The following ROBO2 variants were observed in gnomAD, a reference collection of about 807,000 sequenced individuals.
ROBO2 encodes the protein roundabout homolog 2.
In ROBO2, 53 loss-of-function variants were observed where a neutral mutation model predicts 160.8. The observed-to-expected ratio is 0.33, with a 90% CI of 0.26 to 0.41. ROBO2 has a LOEUF of 0.41. Ranked by LOEUF, ROBO2 falls within the 10% of genes least tolerant of loss-of-function variation. The pLI is 1.00. For missense variants in ROBO2, 1,577 were observed against 1,722.4 expected (o/e 0.92, Z 1.49); for synonymous variants, 664 against 611.7 (o/e 1.09, Z -1.26).
chr3:76,082,081 A>T (rs990595768), intron 2 of ROBO2, among the ~76,000 whole-genome samples: 21 of 152,122 alleles, frequency 1.4e-4, no homozygotes, highest in Admixed American at 6.6e-5. Context: ...TACTATCTAC[A>T]AGCATCAGTC....
chr3:76,944,364 G>C (rs1423499238), intron 2 of ROBO2, among the ~76,000 whole-genome samples: 1 of 152,012 alleles, frequency 6.6e-6, no homozygotes, highest in Non-Finnish European at 1.5e-5. Flanking sequence ...AAAATAAACT[G>C]TTCTCAAACC....
chr3:77,189,933 G>A (rs938161793), intron 2 of ROBO2, among the ~76,000 whole-genome samples: 1 of 151,818 alleles, frequency 6.6e-6, no homozygotes, highest in Non-Finnish European at 1.5e-5. Flanking sequence ...TCTACCTTAA[G>A]TATAATTTAC....
chr3:77,380,672 T>TCTCCCTCCTTCCCTCC (rs575978782), intron 2 of ROBO2, among the ~76,000 whole-genome samples: 2 of 138,004 alleles, frequency 1.4e-5, no homozygotes, highest in Non-Finnish European at 3.1e-5. Context: ...TCCCTCCCTC[T>TCTCCCTCCTTCCCTCC]CTCCCTCCTT....
intron 13 of ROBO2, among the ~76,000 whole-genome samples, chr3:77,571,410 T>C (rs2093633901): frequency 6.6e-6 from 1 of 152,112 alleles, no homozygotes; most frequent in Admixed American, 6.6e-5. Flanking sequence ...TGTTTTATCA[T>C]TGTGCATCTC....
intron 2 of ROBO2, among the ~76,000 whole-genome samples, chr3:77,208,479 T>C (rs1443727849): frequency 1.3e-5 from 2 of 152,166 alleles, no homozygotes; most frequent in Non-Finnish European, 2.9e-5. Flanking sequence ...AGCATGTGGA[T>C]AGCTGATAAC....
intron 1 of ROBO2, among the ~76,000 whole-genome samples, chr3:77,041,170 A>G (rs944021430): frequency 3.3e-5 from 5 of 152,206 alleles, no homozygotes; most frequent in African/African-American, 1.2e-4. Flanking sequence ...CAAGAGCCTA[A>G]TACTATTGTG....
chr3:76,215,622 A>C (rs1198957708), intron 2 of ROBO2, among the ~76,000 whole-genome samples: 1 of 152,198 alleles, frequency 6.6e-6, no homozygotes, highest in Non-Finnish European at 1.5e-5. Flanking sequence ...AAAGATTAAA[A>C]AGAAATGAAC....
In ROBO2 at chr3:77,435,254, A is replaced by T. The variant is rs188077293; in HGVS notation, c.389-42160A>T. Among the ~76,000 whole-genome samples, 158 of 152,066 alleles carry T rather than the reference A, an allele frequency of 1.0e-3. 1 individual carries two copies. The highest frequency in any genetic ancestry group is 1.8e-3 in the Non-Finnish European group (123 of 67,876). On this transcript the variant is annotated intron_variant, in intron 2 of 25. Transcript: ENST00000461745. ...ATTTTAAGTATCTTATACTGACTCC[A>T]TGAATCTGTTTATTTTCTTTCCATA...
intron 2 of ROBO2, among the ~76,000 whole-genome samples, chr3:76,764,493 A>G (rs1285396307): frequency 6.6e-6 from 1 of 151,772 alleles, no homozygotes; most frequent in Non-Finnish European, 1.5e-5. Flanking sequence ...CAGTATTAAT[A>G]TTAAATGACC....
intron 2 of ROBO2, among the ~76,000 whole-genome samples, chr3:76,885,102 C>T (rs2073744837): frequency 6.6e-6 from 1 of 151,968 alleles, no homozygotes; most frequent in Non-Finnish European, 1.5e-5. Context: ...GAGACTTGAG[C>T]CAGGAGAAAA....
chr3:77,591,767 CAA>C (rs2094185892), intron 17 of ROBO2, among the ~76,000 whole-genome samples: 1 of 152,098 alleles, frequency 6.6e-6, no homozygotes, highest in Admixed American at 6.5e-5. Context: ...AAAATTGTGA[CAA>C]GAGCAAGATT....
At chr3:76,251,071 T>A (rs1705963606) in intron 2 of ROBO2, among the ~76,000 whole-genome samples, 1 of 152,026 alleles carries the variant, frequency 6.6e-6, no homozygotes, top group Non-Finnish European at 1.5e-5. Context: ...ATATGATGAC[T>A]GAAGAAACGC....
chr3:77,531,313 A>C (rs1436752590), intron 6 of ROBO2, among the ~76,000 whole-genome samples: 1 of 152,072 alleles, frequency 6.6e-6, no homozygotes, highest in Admixed American at 6.6e-5. Context: ...AAGTAATAAG[A>C]AGTACACATG....
intron 2 of ROBO2, among the ~76,000 whole-genome samples, chr3:76,885,986 T>G (rs951309161): frequency 6.6e-5 from 10 of 152,062 alleles, no homozygotes; most frequent in African/African-American, 2.2e-4. Flanking sequence ...CCTGTCACAG[T>G]GGAAACTGGA....
intron 22 of ROBO2, among the ~76,000 whole-genome samples, chr3:77,619,240 G>A (rs1248746792): frequency 2.0e-5 from 3 of 152,102 alleles, no homozygotes; most frequent in East Asian, 1.9e-4. Context: ...GATGATAATA[G>A]TAATTAGCTC....
intron 2 of ROBO2, among the ~76,000 whole-genome samples, chr3:76,132,015 CCT>C (rs2071241662): frequency 6.6e-6 from 1 of 152,028 alleles, no homozygotes; most frequent in Non-Finnish European, 1.5e-5. Context: ...TGTGCAAACT[CCT>C]ATAGCCTTCT....
chr3:76,029,034 G>A (rs1343371762), intron 2 of ROBO2, among the ~76,000 whole-genome samples: 1 of 151,836 alleles, frequency 6.6e-6, no homozygotes, highest in Non-Finnish European at 1.5e-5. Context: ...CATCCAACTT[G>A]TGTATACAGT....
chr3:76,982,757 A>G (rs1487284524), intron 2 of ROBO2, among the ~76,000 whole-genome samples: 1 of 152,200 alleles, frequency 6.6e-6, no homozygotes, highest in East Asian at 1.9e-4. Flanking sequence ...ACTTCTATAC[A>G]TTAAAATACA....
chr3:76,893,230 A>C (rs2074492472), intron 2 of ROBO2, among the ~76,000 whole-genome samples: 3 of 151,954 alleles, frequency 2.0e-5, no homozygotes. Flanking sequence ...ATGCATTCAA[A>C]TTCTGAACTA....
Sources: allele counts gnomAD v4.1 joint callset (sites outside exome capture counted in the v4.1 genomes callset), GRCh38; gene constraint gnomAD v4.1.1; transcripts MANE v1.5; gene names NCBI Gene and HGNC (gene_info 2026-07-23, HGNC 2026-07-21).